The following TK1 variants were observed in gnomAD, a reference collection of about 807,000 sequenced individuals.
The protein encoded by TK1 is thymidine kinase, cytosolic.
TK1 carries 13 observed loss-of-function variants against 22.4 expected under a neutral mutation model. The observed-to-expected ratio is 0.58, with a 90% CI of 0.38 to 0.92. The LOEUF (loss-of-function observed/expected upper bound fraction) is 0.92, where lower values mean the gene tolerates loss of function less well. TK1 is among the 40% of genes least tolerant of loss of function. The probability of loss-of-function intolerance (pLI) is 0.00; values close to 1 mark genes in which losing one functional copy is unlikely to be tolerated. For missense variants in TK1, 251 were observed against 315.7 expected (o/e 0.80, Z 1.55); for synonymous variants, 134 against 125.4 (o/e 1.07, Z -0.46).
Position 78,187,037 on chromosome 17 carries a change from C to G in TK1, c.-43G>C. On this transcript the variant is annotated 5_prime_UTR_variant, in exon 1 of 7. Transcript: ENST00000301634. ...CACGAACCCGAGTACTCTCCAAGGC[C>G]GTCCCGCAGTAAGCCCCTGGTTCCC... 10 of 1,577,968 alleles carry G rather than the reference C, an allele frequency of 6.3e-6. No homozygotes were observed. Among genetic ancestry groups the G allele is most frequent in the Non-Finnish European group, 8.6e-6 (10 of 1,157,954 alleles).
chr17:78,179,740 A>G lies in TK1; in HGVS notation c.303+2849T>C, dbSNP rs1034215006. ...GGTAGAGACCTCGAAGCACTCACCA[A>G]ACCAACTCATTTATTCTTCCTCCAG... On this transcript the variant is annotated intron_variant, in intron 4 of 6. Coordinates refer to ENST00000301634, the MANE Select transcript of TK1 (RefSeq NM_003258.5). The G allele has an allele frequency of 1.5e-5, 15 of 985,280 alleles. No individual in the cohort carries two copies. The South Asian group carries it at 5.2e-4, about 34-fold the overall frequency. 61.0% of individuals were successfully genotyped at this position (985,280 alleles called of 1,614,324 possible). A position where few individuals can be genotyped will look rare whatever the true frequency, so the allele number is the denominator to read the frequency against.
rs1215487094 is a variant in TK1 at position 78,174,826 on chromosome 17, C to T, written c.638G>A (p.Gly213Glu). The change falls in exon 7 of 7, where the codon GGG becomes GAG. Residue 213 changes from glycine to glutamate, a missense_variant. Coordinates refer to ENST00000301634, the MANE Select transcript of TK1 (RefSeq NM_003258.5). Reference sequence around the variant, plus strand: ...GAGCTTCCTGGCAGCCACGGCTTCCCCTGGCTTTCCTGGCACTGGGCAGTT... The same window carrying T: ...GAGCTTCCTGGCAGCCACGGCTTCCTCTGGCTTTCCTGGCACTGGGCAGTT... The part of the protein sequence containing the change: ...KENCPVPGKP[G>E]EAVAARKLFA... 1.2e-6 allele frequency: 2 copies of T among 1,613,318 alleles called. No individual in the cohort carries two copies. Among genetic ancestry groups the T allele is most frequent in the Non-Finnish European group, 1.7e-6 (2 of 1,179,622 alleles).
Position 78,174,625 on chromosome 17 carries a change from AGAG to A in TK1, c.*131_*133del. On this transcript the variant is annotated 3_prime_UTR_variant, in exon 7 of 7. Transcript: ENST00000301634. Reference sequence around the variant, plus strand: ...GGCAGGTGGGGCAGCCACACAAAGGAGAGTTCCCAGAAGGCCAAGGTGTGGTCA... The same window carrying A: ...GGCAGGTGGGGCAGCCACACAAAGGATTCCCAGAAGGCCAAGGTGTGGTCA... The A allele has an allele frequency of 1.0e-6, 1 of 1,004,914 alleles. No homozygotes were observed. 62.2% of individuals were successfully genotyped at this position (1,004,914 alleles called of 1,614,324 possible). A position where few individuals can be genotyped will look rare whatever the true frequency, so the allele number is the denominator to read the frequency against.
rs144795989 is a variant in TK1 at position 78,185,056 on chromosome 17, G to A, written c.208C>T (p.Arg70Trp). The stretch of plus-strand genomic sequence containing the variant: ...GGACTGCAGGGGGCAGGGACTGACC[G>A]GTCATGTGTGCAGAAGCTGCTGCTG... Reference protein sequence around the residue: ...RYSSSFCTHDRNTMEALPACL... With the variant: ...RYSSSFCTHDWNTMEALPACL... Residue 70 changes from arginine (R) to tryptophan (W), a missense_variant and splice_region_variant, in exon 3 of 7, where the codon CGG (arginine) becomes TGG (tryptophan). Transcript: ENST00000301634. The A allele has an allele frequency of 2.8e-5, 45 of 1,612,514 alleles. No individual in the cohort carries two copies. The highest frequency in any genetic ancestry group is 8.9e-5 in the East Asian group (4 of 44,880).
In TK1 at chr17:78,185,175, G is replaced by C; in HGVS notation, c.99-10C>G. On this transcript the variant is annotated splice_polypyrimidine_tract_variant and intron_variant, in intron 2 of 6. Transcript: ENST00000301634. Reference sequence around the variant, plus strand: ...TCTCATCAACTCTGTGCTGCAAGAGGAGAGAGGGTCAGGTGAGGTCCACGG... The same window carrying C: ...TCTCATCAACTCTGTGCTGCAAGAGCAGAGAGGGTCAGGTGAGGTCCACGG... 3.1e-6 allele frequency: 5 copies of C among 1,611,740 alleles called. No homozygotes were observed. Among genetic ancestry groups the C allele is most frequent in the Non-Finnish European group, 4.2e-6 (5 of 1,178,416 alleles).
At chr17:78,186,558 G>A (rs991492466) in intron 2 of TK1, among the ~76,000 whole-genome samples, 4 of 151,960 alleles carry the variant, frequency 2.6e-5, no homozygotes, top group Admixed American at 6.6e-5. Flanking sequence ...CACAGGACGA[G>A]GGGCTTGGCC....
chr17:78,187,069 A>G, upstream of TK1: 1 of 1,464,310 alleles, frequency 6.8e-7, no homozygotes, highest in Non-Finnish European at 9.4e-7. Flanking sequence ...TCCCGCGCCG[A>G]CCGCTTTAAA....
upstream of TK1, chr17:78,187,185 G>A: frequency 1.1e-6 from 1 of 879,700 alleles, no homozygotes; most frequent in Non-Finnish European, 1.8e-6. Flanking sequence ...CCCCTCGTGG[G>A]AGGAATCCGG....
chr17:78,176,731 C>T (rs529051054), intron 4 of TK1, among the ~76,000 whole-genome samples: 1 of 152,324 alleles, frequency 6.6e-6, no homozygotes, highest in Non-Finnish European at 1.5e-5. Context: ...GGCGCGCCCC[C>T]TGGAGGGCTG....
intron 4 of TK1, chr17:78,179,876 C>A: frequency 2.6e-6 from 1 of 382,148 alleles, no homozygotes; most frequent in South Asian, 1.1e-4. Flanking sequence ...TCCAGACCAG[C>A]CCGGTCAACA....
intron 4 of TK1, chr17:78,179,128 T>C (rs2075721357): frequency 1.0e-6 from 1 of 982,738 alleles, no homozygotes; most frequent in Admixed American, 6.2e-5. Context: ...TCAACAAGGT[T>C]TACGCAGAGC....
At chr17:78,181,532 C>T (rs1211413850) in intron 4 of TK1, among the ~76,000 whole-genome samples, 1 of 124,832 alleles carries the variant, frequency 8.0e-6, no homozygotes, top group Admixed American at 7.7e-5. Flanking sequence ...AGTAAGACTC[C>T]GTCTCAAAAA....
At chr17:78,178,161 G>A (rs147607204) in intron 4 of TK1, among the ~76,000 whole-genome samples, 1,830 of 152,096 alleles carry the variant, frequency 0.012, 11 homozygotes, top group Non-Finnish European at 0.018. Context: ...GTGAGCCACC[G>A]TGCCCAGCCA....
chr17:78,177,127 C>T (rs759413097), intron 4 of TK1, among the ~76,000 whole-genome samples: 1 of 152,190 alleles, frequency 6.6e-6, no homozygotes, highest in Non-Finnish European at 1.5e-5. Flanking sequence ...CCAGCACTTC[C>T]AGTGATCTGC....
At chr17:78,185,984 G>A (rs1215735709) in intron 2 of TK1, among the ~76,000 whole-genome samples, 2 of 152,170 alleles carry the variant, frequency 1.3e-5, no homozygotes, top group Non-Finnish European at 1.5e-5. Context: ...GTTGGGGCAG[G>A]GCATGGTGGC....
Position 78,185,078 on chromosome 17 carries a change from G to A in TK1, c.186C>T (p.Ser62=). 1 of 1,612,692 alleles carries A rather than the reference G, an allele frequency of 6.2e-7. No homozygotes were observed. The highest frequency in any genetic ancestry group is 8.5e-7 in the Non-Finnish European group (1 of 1,179,670). ...ACCGGTCATGTGTGCAGAAGCTGCTGCTGTAGCGAGTGTCTTTGGCATACT... is the reference window on the plus strand; with the variant it reads ...ACCGGTCATGTGTGCAGAAGCTGCTACTGTAGCGAGTGTCTTTGGCATACT... ...VIKYAKDTRY[S]SSFCTHDRNT... Residue 62 remains serine (S), a synonymous_variant, in exon 3 of 7, where the codon AGC becomes AGT. Transcript: ENST00000301634.
At chr17:78,175,225 C>CATTTTTTTTTT in intron 5 of TK1, 56 bp from the exon 6 acceptor site, 1 of 1,558,740 alleles carries the variant, frequency 6.4e-7, no homozygotes, top group Admixed American at 2.3e-5. Flanking sequence ...GTGGGTTTTT[C>CATTTTTTTTTT]TTTTAAACCC....
intron 2 of TK1, among the ~76,000 whole-genome samples, chr17:78,185,588 G>A (rs1171588090): frequency 2.6e-5 from 4 of 152,042 alleles, no homozygotes; most frequent in African/African-American, 4.8e-5. Flanking sequence ...GCAGTGGAGC[G>A]ATCTCAGCTC....
chr17:78,176,275 A>T, intron 4 of TK1, among the ~76,000 whole-genome samples: 1 of 151,082 alleles, frequency 6.6e-6, no homozygotes, highest in South Asian at 2.1e-4. Flanking sequence ...GGAGAAGCTG[A>T]AACTCTGGCA....
Sources: gnomAD v4.1 joint callset for allele counts (sites outside exome capture counted in the v4.1 genomes callset) on GRCh38, gnomAD v4.1.1 for gene constraint, MANE v1.5 for transcripts, NCBI Gene and HGNC (gene_info 2026-07-23, HGNC 2026-07-21) for gene names.